The following FBF1 variants were observed in gnomAD, a reference collection of about 807,000 sequenced individuals.
FBF1 encodes Fas binding factor 1.
Under a neutral mutation model 147.2 loss-of-function variants are expected in FBF1, and 119 were observed. That is an observed-to-expected ratio of 0.81 (90% CI 0.70 to 0.94). The LOEUF is 0.94. Among genes scored for constraint, FBF1 ranks in the 40% least tolerant of loss-of-function variants. FBF1 has a pLI of 0.00. For synonymous variants in FBF1, 601 were observed against 609.0 expected, an observed-to-expected ratio of 0.99 and a Z score of 0.19; for missense variants, 1,449 against 1,500.8, an observed-to-expected ratio of 0.97 and a Z score of 0.57.
rs116794473 is a variant in FBF1, at chr17:75,911,742, C to T, written c.3363+450G>A. Among the ~76,000 whole-genome samples, 1,240 of 152,250 alleles carry T rather than the reference C, an allele frequency of 8.1e-3. 18 individuals are homozygous for T. The highest frequency in any genetic ancestry group is 0.024 in the African/African-American group (993 of 41,536). On this transcript the variant is annotated intron_variant, in intron 29 of 29. Coordinates refer to ENST00000636174, the MANE Select transcript of FBF1 (RefSeq NM_001319193.2). ...CCCAAGCTGGCCACGAACTCCTGGG[C>T]TCAAGTAATCCTCCCACCATAGCCT...
chr17:75,937,974 C>A (rs1026592374), intron 2 of FBF1, 173 bp downstream of exon 2: 7 of 934,562 alleles, frequency 7.5e-6, no homozygotes, highest in East Asian at 5.3e-5. Flanking sequence ...TCAGAAGAAA[C>A]CTTGGTCGTC....
intron 15 of FBF1, 115 bp from the exon 16 acceptor site, chr17:75,921,675 C>G (rs1381345590): frequency 3.8e-4 from 41 of 106,750 alleles, no homozygotes; most frequent in African/African-American, 7.5e-5. Flanking sequence ...GCAGCCTCTA[C>G]GTGGGACACG....
rs567411302 is a variant in FBF1, at chr17:75,909,800, A to G, written c.*923T>C. 4.6e-6 allele frequency: 3 copies of G among 647,992 alleles called. No homozygotes were observed. The highest frequency in any genetic ancestry group is 5.6e-6 in the Non-Finnish European group (2 of 354,596). 40.1% of individuals were successfully genotyped at this position (647,992 alleles called of 1,614,324 possible). Reference sequence around the variant, plus strand: ...CCTGTTCTTTGGGACTTGTCCAGCAAATAACAGGAAACATTTTCTAAGAAA... The same window carrying G: ...CCTGTTCTTTGGGACTTGTCCAGCAGATAACAGGAAACATTTTCTAAGAAA... On this transcript the variant is annotated 3_prime_UTR_variant, in exon 30 of 30. Coordinates refer to ENST00000636174, the MANE Select transcript of FBF1 (RefSeq NM_001319193.2).
chr17:75,940,726 C>G (rs2065658524), intron 1 of FBF1, 122 bp downstream of exon 1: 1 of 153,892 alleles, frequency 6.5e-6, no homozygotes, highest in Non-Finnish European at 1.5e-5. Flanking sequence ...GTAACCCCGT[C>G]CCCACATGTA....
At chr17:75,932,945 G>T in intron 5 of FBF1, 50 bp downstream of exon 5, 2 of 1,288,940 alleles carry the variant, frequency 1.6e-6, no homozygotes, top group Non-Finnish European at 2.2e-6. Flanking sequence ...GGGGCAGAGA[G>T]CATTTAGACT....
chr17:75,914,713 G>A (rs1408554911), intron 25 of FBF1, 34 bp downstream of exon 25: 30 of 1,505,036 alleles, frequency 2.0e-5, no homozygotes, highest in Non-Finnish European at 2.6e-5. Flanking sequence ...AGGCAACCCT[G>A]GGCCCTCCAC....
In FBF1 at chr17:75,920,582, G is replaced by A. The variant is rs769164761; in HGVS notation, c.1675-153C>T. Among the ~76,000 whole-genome samples the A allele has an allele frequency of 4.1e-4, 63 of 152,264 alleles. No homozygotes were observed. In the Middle Eastern group the frequency reaches 0.01, roughly 25 times the overall value. Reference sequence around the variant, plus strand: ...GGCCTTGGAAAGTAACAGTCACTGCGGCTAAGCAGTCCCCAGTGTACCTCC... The same window carrying A: ...GGCCTTGGAAAGTAACAGTCACTGCAGCTAAGCAGTCCCCAGTGTACCTCC... On this transcript the variant is annotated intron_variant, in intron 17 of 29. Transcript: ENST00000636174.
Position 75,914,259 on chromosome 17 carries a change from C to G in FBF1, c.2854G>C (p.Ala952Pro), listed in dbSNP as rs1402145889. 6.3e-7 allele frequency: 1 copy of G among 1,593,180 alleles called. No homozygotes were observed. Among genetic ancestry groups the G allele is most frequent in the Non-Finnish European group, 8.5e-7 (1 of 1,173,164 alleles). Residue 952 changes from alanine to proline, a missense_variant, in exon 26 of 30, where the codon GCC becomes CCC. By Grantham distance (27) the Ala-to-Pro change is conservative. Transcript: ENST00000636174. ...ELKIRASELRAEEKQLAAERA... is the reference protein window; with the variant it reads ...ELKIRASELRPEEKQLAAERA... ...TCCGCTGCCAGCTGCTTCTCCTCGG[C>G]CCGGAGCTCGCTGGCCCTGATCTTC...
chr17:75,935,720 G>A, intron 3 of FBF1, 47 bp from the exon 4 acceptor site: 1 of 1,517,524 alleles, frequency 6.6e-7, no homozygotes, highest in Non-Finnish European at 8.8e-7. Flanking sequence ...AAAGAAGAGT[G>A]GCCCTTATAA....
Position 75,929,005 on chromosome 17 carries a change from G to T in FBF1, c.280-812C>A, listed in dbSNP as rs866907674. 4.4e-3 allele frequency among the ~76,000 whole-genome samples: 479 copies of T among 109,214 alleles called. 6 individuals are homozygous for T. Among genetic ancestry groups the T allele is most frequent in the South Asian group, 0.037 (130 of 3,552 alleles). 71.6% of individuals were successfully genotyped at this position (109,214 alleles called of 152,430 possible). A position where few individuals can be genotyped will look rare whatever the true frequency, so the allele number is the denominator to read the frequency against. ...CATGCCAGACTTTTTTTTTTTTTTT[G>T]AAGACAGAGTCTCACTCTGTCACCA... On this transcript the variant is annotated intron_variant, in intron 7 of 29. Transcript: ENST00000636174.
Position 75,914,112 on chromosome 17 carries a change from C to G in FBF1, c.2991+10G>C. The G allele has an allele frequency of 6.3e-7, 1 of 1,597,366 alleles. No individual in the cohort carries two copies. Among genetic ancestry groups the G allele is most frequent in the Non-Finnish European group, 8.5e-7 (1 of 1,175,882 alleles). On this transcript the variant is annotated intron_variant, in intron 26 of 29. Transcript: ENST00000636174. ...TCAGATGCGCCCACGCCCATGTGCC[C>G]GAGCAGCACCTTGCTCATGCTCTCC...
At chr17:75,932,325 C>T (rs2065599304) in intron 5 of FBF1, among the ~76,000 whole-genome samples, 1 of 151,458 alleles carries the variant, frequency 6.6e-6, no homozygotes, top group Non-Finnish European at 1.5e-5. Context: ...TAGAGTGAGC[C>T]GATCGCACCA....
At chr17:75,937,480 TA>T (rs748279564) in intron 3 of FBF1, 85 bp downstream of exon 3, 57 of 1,533,652 alleles carry the variant, frequency 3.7e-5, no homozygotes, top group Non-Finnish European at 4.9e-5. Flanking sequence ...CAAAAACATT[TA>T]AATAAACACA....
In FBF1 at chr17:75,909,805, C is replaced by A. The variant is rs1409100265; in HGVS notation, c.*918G>T. On this transcript the variant is annotated 3_prime_UTR_variant, in exon 30 of 30. Coordinates refer to ENST00000636174, the MANE Select transcript of FBF1 (RefSeq NM_001319193.2). ...TCTTTGGGACTTGTCCAGCAAATAA[C>A]AGGAAACATTTTCTAAGAAATAAGT... 2 of 652,482 alleles carry A rather than the reference C, an allele frequency of 3.1e-6. No homozygotes were observed. The highest frequency in any genetic ancestry group is 5.6e-6 in the Non-Finnish European group (2 of 356,954). 40.4% of individuals were successfully genotyped at this position (652,482 alleles called of 1,614,324 possible).
chr17:75,925,865 G>A lies in FBF1; in HGVS notation c.868+165C>T, dbSNP rs1391865478. Among the ~76,000 whole-genome samples, 3 of 152,218 alleles carry A rather than the reference G, an allele frequency of 2.0e-5. No homozygotes were observed. The highest frequency in any genetic ancestry group is 7.2e-5 in the African/African-American group (3 of 41,464). On this transcript the variant is annotated intron_variant, in intron 12 of 29. Coordinates refer to ENST00000636174, the MANE Select transcript of FBF1 (RefSeq NM_001319193.2). The surrounding 1 kb of genome is among the most constrained non-coding windows in gnomAD (Gnocchi z 5.0). ...ACAACTGAGCACGAACAGTGGTCAC[G>A]GTAAGTATTATTTCACGGTAAGTAT... is the stretch of plus-strand genomic sequence containing the variant.
At chr17:75,914,598 A>T in intron 25 of FBF1, 149 bp downstream of exon 25, 2 of 859,512 alleles carry the variant, frequency 2.3e-6, no homozygotes, top group Non-Finnish European at 3.5e-6. Context: ...GGAAGATGTT[A>T]GCATGATGAT....
intron 23 of FBF1, among the ~76,000 whole-genome samples, chr17:75,915,716 A>G (rs1167391982): frequency 2.0e-5 from 3 of 152,070 alleles, no homozygotes; most frequent in African/African-American, 7.2e-5. Context: ...TTCTTTAAAA[A>G]CATTTTTTTG....
chr17:75,918,363 T>G lies in FBF1; in HGVS notation c.2139-94A>C, dbSNP rs905619293. 3.8e-6 allele frequency: 4 copies of G among 1,049,604 alleles called. No homozygotes were observed. The highest frequency in any genetic ancestry group is 4.2e-6 in the Non-Finnish European group (3 of 721,412). 65.0% of individuals were successfully genotyped at this position (1,049,604 alleles called of 1,614,324 possible). ...GAAGGGTGTGTTTCCGTGCAGCCCT[T>G]GCTCCCAGGCCTCTCCTCCGCCGGG... On this transcript the variant is annotated intron_variant, in intron 20 of 29. Coordinates refer to ENST00000636174, the MANE Select transcript of FBF1 (RefSeq NM_001319193.2). The surrounding 1 kb of genome is among the most constrained non-coding windows in gnomAD (Gnocchi z 5.8).
chr17:75,921,706 GC>G (rs1323855335), intron 15 of FBF1, 146 bp from the exon 16 acceptor site: 1 of 314,732 alleles, frequency 3.2e-6, no homozygotes, highest in Non-Finnish European at 5.8e-6. Flanking sequence ...AGGGTGGGCA[GC>G]CTCTGCTGGG....
Sources: gnomAD v4.1 joint callset for allele counts (sites outside exome capture counted in the v4.1 genomes callset) on GRCh38, gnomAD v4.1.1 for gene constraint, Gnocchi (gnomAD v3.1) non-coding constraint, MANE v1.5 for transcripts, NCBI Gene and HGNC (gene_info 2026-07-23, HGNC 2026-07-21) for gene names.